The following ANKRD28 variants were observed in gnomAD, a reference collection of about 807,000 sequenced individuals.
ANKRD28 encodes ankyrin repeat domain 28.
Under a neutral mutation model 126.5 loss-of-function variants are expected in ANKRD28, and 44 were observed. The ratio of observed to expected loss-of-function variants is 0.35; its 90% confidence interval spans 0.27 to 0.45. The LOEUF (loss-of-function observed/expected upper bound fraction) is 0.45. Among genes scored for constraint, ANKRD28 ranks in the 20% least tolerant of loss-of-function variants. ANKRD28 has a pLI of 1.00. For missense variants in ANKRD28, 1,110 were observed against 1,316.6 expected, an observed-to-expected ratio of 0.84 and a Z score of 2.43; for synonymous variants, 442 against 468.5, an observed-to-expected ratio of 0.94 and a Z score of 0.73.
At chr3:15,794,834 A>C (rs918860091) in intron 2 of ANKRD28, among the ~76,000 whole-genome samples, 15 of 152,236 alleles carry the variant, frequency 9.9e-5, no homozygotes, top group Admixed American at 9.8e-4. Context: ...TGCACAGTTA[A>C]GTATTTAATG....
At chr3:15,828,338 A>AT (rs1187356970) in intron 1 of ANKRD28, among the ~76,000 whole-genome samples, 16 of 152,288 alleles carry the variant, frequency 1.1e-4, no homozygotes, top group Admixed American at 5.2e-4. Context: ...GCGGTGGCTC[A>AT]TGCCTGTAAT....
chr3:15,749,055 C>G (rs953609907), intron 4 of ANKRD28, among the ~76,000 whole-genome samples: 13 of 148,640 alleles, frequency 8.7e-5, no homozygotes, highest in African/African-American at 3.2e-4. Context: ...CTGTTTTTAC[C>G]TATTTCACTA....
intron 2 of ANKRD28, among the ~76,000 whole-genome samples, chr3:15,790,767 T>C (rs557272725): frequency 1.3e-5 from 2 of 152,208 alleles, no homozygotes; most frequent in South Asian, 2.1e-4. Flanking sequence ...TTATTTAACA[T>C]AGTACTGGAA....
chr3:15,716,861 C>T (rs2073135516), intron 8 of ANKRD28, among the ~76,000 whole-genome samples: 1 of 152,120 alleles, frequency 6.6e-6, no homozygotes, highest in Non-Finnish European at 1.5e-5. Flanking sequence ...CTTGGGGAGG[C>T]CAAAGCGGAA....
At chr3:15,674,833 G>A (rs1297768359) in intron 27 of ANKRD28, among the ~76,000 whole-genome samples, 2 of 152,208 alleles carry the variant, frequency 1.3e-5, no homozygotes, top group South Asian at 2.1e-4. Flanking sequence ...ACGATCAGTT[G>A]TGCCAAAAGC....
intron 14 of ANKRD28, among the ~76,000 whole-genome samples, chr3:15,701,275 GC>G (rs2070561795): frequency 6.6e-6 from 1 of 152,270 alleles, no homozygotes; most frequent in Admixed American, 6.5e-5. Context: ...TTCAATGGCA[GC>G]AAATATTCAT....
chr3:15,680,779 C>CCTGGG lies in ANKRD28; in HGVS notation c.2390-1217_2390-1216insCCCAG, dbSNP rs1444324116. On this transcript the variant is annotated intron_variant, in intron 21 of 27. Transcript: ENST00000683139. ...CTCCTGGGCTCAAGTGATCCTCCCACCTCAGCCTCCTGAGTTGCTAAGACA... is the reference window on the plus strand; with the variant it reads ...CTCCTGGGCTCAAGTGATCCTCCCACCTGGGCTCAGCCTCCTGAGTTGCTAAGACA... Among the ~76,000 whole-genome samples the CCTGGG allele has an allele frequency of 6.9e-3, 1,047 of 152,188 alleles. 13 individuals carry two copies. The highest frequency in any genetic ancestry group is 0.024 in the African/African-American group (1,001 of 41,496).
rs2068605135 is a variant in ANKRD28 at position 15,690,039 on chromosome 3, C to T, written c.1943G>A (p.Arg648Lys). The T allele has an allele frequency of 1.2e-6, 2 of 1,609,418 alleles. No homozygotes were observed. The highest frequency in any genetic ancestry group is 1.7e-6 in the Non-Finnish European group (2 of 1,177,646). Residue 648 changes from arginine (R) to lysine (K), a missense_variant, in exon 18 of 28, where the codon AGG becomes AAG. Arg to Lys is a conservative substitution (Grantham distance 26). Coordinates refer to ENST00000683139, the MANE Select transcript of ANKRD28 (RefSeq NM_001349278.2). Reference protein sequence around the residue: ...SILVKDYILKRTPIHAAATNG... With the variant: ...SILVKDYILKKTPIHAAATNG... Reference sequence around the variant, plus strand: ...CATACCTGCTGCATGAATAGGTGTCCTCTTCAAAATGTAATCTTTTACTAA... The same window carrying T: ...CATACCTGCTGCATGAATAGGTGTCTTCTTCAAAATGTAATCTTTTACTAA...
At chr3:15,825,111 C>T (rs575776440) in intron 1 of ANKRD28, among the ~76,000 whole-genome samples, 1 of 152,272 alleles carries the variant, frequency 6.6e-6, no homozygotes, top group Middle Eastern at 3.4e-3. Context: ...CATCACAGGG[C>T]AGAAATCTTA....
At chr3:15,844,010 T>C (rs909732555) in intron 1 of ANKRD28, among the ~76,000 whole-genome samples, 10 of 152,022 alleles carry the variant, frequency 6.6e-5, no homozygotes, top group African/African-American at 1.4e-4. Flanking sequence ...TAGGTGATAG[T>C]TGAAGAAAAA....
At chr3:15,791,404 C>T (rs1435319457) in intron 2 of ANKRD28, among the ~76,000 whole-genome samples, 1 of 151,618 alleles carries the variant, frequency 6.6e-6, no homozygotes, top group Non-Finnish European at 1.5e-5. Flanking sequence ...ATGGTACTGT[C>T]ACAAAAACAG....
chr3:15,808,240 T>C (rs2060630748), intron 1 of ANKRD28, among the ~76,000 whole-genome samples: 2 of 152,204 alleles, frequency 1.3e-5, no homozygotes, highest in Non-Finnish European at 2.9e-5. Context: ...TATCAACGGA[T>C]TTGAAGTCCT....
intron 2 of ANKRD28, among the ~76,000 whole-genome samples, chr3:15,786,023 G>T (rs1197695905): frequency 6.6e-6 from 1 of 151,930 alleles, no homozygotes; most frequent in Non-Finnish European, 1.5e-5. Flanking sequence ...AAATTACCAG[G>T]GACTGGGGGG....
intron 1 of ANKRD28, among the ~76,000 whole-genome samples, chr3:15,840,935 GT>G (rs1330312170): frequency 3.9e-5 from 6 of 152,196 alleles, no homozygotes; most frequent in African/African-American, 1.4e-4. Flanking sequence ...GAGGTCAGGA[GT>G]TTGAGACAAG....
At chr3:15,766,609 C>T (rs2058751010) in intron 2 of ANKRD28, among the ~76,000 whole-genome samples, 1 of 151,846 alleles carries the variant, frequency 6.6e-6, no homozygotes, top group African/African-American at 2.4e-5. Context: ...GTGAATGAGG[C>T]TGCAGTGAGC....
intron 1 of ANKRD28, among the ~76,000 whole-genome samples, chr3:15,841,938 C>T (rs1347002712): frequency 1.3e-5 from 2 of 151,692 alleles, no homozygotes; most frequent in African/African-American, 2.4e-5. Flanking sequence ...CTTGGTATAA[C>T]CCAAAGAAAG....
chr3:15,761,971 G>GT (rs1351886690), intron 3 of ANKRD28, among the ~76,000 whole-genome samples: 47 of 151,762 alleles, frequency 3.1e-4, no homozygotes, highest in African/African-American at 9.9e-4. Context: ...GGATCACCTG[G>GT]GGTCAGGAGT....
At chr3:15,841,832 T>C (rs979378287) in intron 1 of ANKRD28, among the ~76,000 whole-genome samples, 11 of 152,066 alleles carry the variant, frequency 7.2e-5, no homozygotes, top group African/African-American at 2.4e-4. Context: ...TTGGTAGGAA[T>C]GCAAACTAGT....
At chr3:15,735,695 A>G (rs148640701) in intron 5 of ANKRD28, among the ~76,000 whole-genome samples, 198 bp from the exon 6 acceptor site, 120 of 152,306 alleles carry the variant, frequency 7.9e-4, no homozygotes, top group African/African-American at 2.8e-3. Flanking sequence ...TGTGGGTGCT[A>G]CTGAAGTCAG....
Sources: allele counts gnomAD v4.1 joint callset (sites outside exome capture counted in the v4.1 genomes callset), GRCh38; gene constraint gnomAD v4.1.1; transcripts MANE v1.5; gene names NCBI Gene and HGNC (gene_info 2026-07-23, HGNC 2026-07-21).